GRIN2A: variants seen among roughly 807,000 people sequenced by gnomAD.
GRIN2A encodes the protein glutamate receptor ionotropic, NMDA 2A.
A neutral mutation model predicts 113.4 loss-of-function variants in GRIN2A; 22 were observed. The observed-to-expected ratio is 0.19, with a 90% CI of 0.14 to 0.28. The LOEUF is 0.28. GRIN2A is among the 10% of genes least tolerant of loss of function. The pLI is 1.00. For missense variants in GRIN2A, 1,502 were observed against 1,887.0 expected, an observed-to-expected ratio of 0.80 and a Z score of 3.78; for synonymous variants, 827 against 738.4, an observed-to-expected ratio of 1.12 and a Z score of -1.94.
At chr16:9,841,254 C>G (rs1056202456) in intron 5 of GRIN2A, 150 bp from the exon 6 acceptor site, 1 of 711,520 alleles carries the variant, frequency 1.4e-6, no homozygotes, top group African/African-American at 1.8e-5. Context: ...GAGTACATGA[C>G]AGCAAAAGCA....
rs1021464040 is a variant in GRIN2A at position 9,996,193 on chromosome 16, G to A, written c.415-57642C>T. ...GTTGAATGTCAGAAAGAGAAGATGCGAGCCAACCAAGAAAATGACAGAGTT... is the reference window on the plus strand; with the variant it reads ...GTTGAATGTCAGAAAGAGAAGATGCAAGCCAACCAAGAAAATGACAGAGTT... On this transcript the variant is annotated intron_variant, in intron 2 of 12. Coordinates refer to ENST00000330684, the MANE Select transcript of GRIN2A (RefSeq NM_001134407.3). 3.3e-5 allele frequency among the ~76,000 whole-genome samples: 5 copies of A among 151,960 alleles called. 1 individual carries two copies. Among genetic ancestry groups the A allele is most frequent in the South Asian group, 2.1e-4 (1 of 4,800 alleles).
chr16:10,106,336 G>C (rs1268570782), intron 2 of GRIN2A, among the ~76,000 whole-genome samples: 2 of 151,654 alleles, frequency 1.3e-5, no homozygotes, highest in Non-Finnish European at 2.9e-5. Flanking sequence ...CTGAGAGGGA[G>C]GACTGCTTGA....
At chr16:9,889,874 G>A (rs1366922752) in intron 4 of GRIN2A, among the ~76,000 whole-genome samples, 1 of 152,162 alleles carries the variant, frequency 6.6e-6, no homozygotes, top group Non-Finnish European at 1.5e-5. Context: ...GCTCCAGAAT[G>A]TAGTCTACTT....
intron 12 of GRIN2A, 79 bp downstream of exon 12, chr16:9,768,772 C>T (rs1173446925): frequency 7.6e-6 from 7 of 917,506 alleles, no homozygotes; most frequent in African/African-American, 6.5e-5. Context: ...GAAGTGCAGA[C>T]CCCACTGAGA....
At chr16:10,041,038 C>A (rs369576920) in intron 2 of GRIN2A, among the ~76,000 whole-genome samples, 1 of 152,384 alleles carries the variant, frequency 6.6e-6, no homozygotes, top group African/African-American at 2.4e-5. Flanking sequence ...CACCCCCTCA[C>A]CTCCAATACA....
chr16:9,918,255 C>G (rs1383804206), intron 3 of GRIN2A, among the ~76,000 whole-genome samples: 3 of 152,158 alleles, frequency 2.0e-5, no homozygotes, highest in Non-Finnish European at 4.4e-5. Context: ...ACTGCAGTAT[C>G]TCCCTATCCA....
chr16:9,840,824 A>AG (rs1567337462), intron 6 of GRIN2A, 24 bp from the exon 7 acceptor site: 1 of 1,607,130 alleles, frequency 6.2e-7, no homozygotes, highest in Admixed American at 1.7e-5. Context: ...AAAAAAAAAA[A>AG]AAAAAAAAAG....
At chr16:10,127,388 T>C (rs2048961933) in intron 2 of GRIN2A, among the ~76,000 whole-genome samples, 1 of 152,180 alleles carries the variant, frequency 6.6e-6, no homozygotes, top group Non-Finnish European at 1.5e-5. Flanking sequence ...CCTCTGCATG[T>C]GATATTCCTC....
intron 2 of GRIN2A, among the ~76,000 whole-genome samples, chr16:10,068,456 G>T (rs903574796): frequency 6.6e-6 from 1 of 152,216 alleles, no homozygotes; most frequent in Non-Finnish European, 1.5e-5. Context: ...GCCAGAGCAG[G>T]AGAGAGTAAG....
intron 2 of GRIN2A, among the ~76,000 whole-genome samples, chr16:10,007,568 C>T (rs1165156418): frequency 6.6e-6 from 1 of 152,084 alleles, no homozygotes; most frequent in Non-Finnish European, 1.5e-5. Context: ...ATATTTTCTG[C>T]CATTCTTTGG....
At chr16:10,120,880 T>A (rs2048819468) in intron 2 of GRIN2A, among the ~76,000 whole-genome samples, 1 of 151,790 alleles carries the variant, frequency 6.6e-6, no homozygotes, top group African/African-American at 2.4e-5. Context: ...CCTCCAGTCA[T>A]CCCCACACTG....
At position 9,755,676 on chromosome 16, in the gene GRIN2A, A is replaced by C. The variant is rs1244581834; in HGVS notation, c.*7473T>G. ...TTAGACCATGGAGAGGGGGGAATGC[A>C]GGAAAGGCAGTGTGTGCTCAGGGGC... On this transcript the variant is annotated 3_prime_UTR_variant, in exon 13 of 13. Coordinates refer to ENST00000330684, the MANE Select transcript of GRIN2A (RefSeq NM_001134407.3). The C allele has an allele frequency of 9.9e-6, 2 of 201,598 alleles. No individual in the cohort carries two copies. The highest frequency in any genetic ancestry group is 2.0e-5 in the Non-Finnish European group (2 of 97,690). The allele number at this position is 201,598 out of a possible 1,614,324, so 12.5% of individuals were successfully genotyped here. A position where few individuals can be genotyped will look rare whatever the true frequency, so the allele number is the denominator to read the frequency against.
At chr16:9,962,862 A>G (rs1267655032) in intron 2 of GRIN2A, among the ~76,000 whole-genome samples, 7 of 152,216 alleles carry the variant, frequency 4.6e-5, no homozygotes, top group Admixed American at 2.0e-4. Flanking sequence ...CAAAGACTTG[A>G]AACCAACCCA....
At chr16:10,129,543 C>G (rs887001732) in intron 2 of GRIN2A, among the ~76,000 whole-genome samples, 1 of 152,066 alleles carries the variant, frequency 6.6e-6, no homozygotes, top group Non-Finnish European at 1.5e-5. Context: ...ATGGTGAGAA[C>G]AAGACAACCA....
At chr16:10,130,729 TCTC>T (rs2049044105) in intron 2 of GRIN2A, among the ~76,000 whole-genome samples, 1 of 152,200 alleles carries the variant, frequency 6.6e-6, no homozygotes, top group South Asian at 2.1e-4. Flanking sequence ...CCTTCTCGCT[TCTC>T]CTGCAACTTC....
chr16:10,109,994 G>T (rs1415977443), intron 2 of GRIN2A, among the ~76,000 whole-genome samples: 2 of 152,074 alleles, frequency 1.3e-5, no homozygotes, highest in Non-Finnish European at 2.9e-5. Context: ...CTGGTGTGCT[G>T]CATCCATTAA....
At chr16:10,159,439 G>T (rs906176250) in intron 2 of GRIN2A, among the ~76,000 whole-genome samples, 4 of 152,206 alleles carry the variant, frequency 2.6e-5, no homozygotes, top group African/African-American at 9.6e-5. Context: ...GGAGGCATCT[G>T]CAAAGCTCCA....
chr16:10,177,950 G>C (rs146022769), intron 2 of GRIN2A, among the ~76,000 whole-genome samples: 228 of 152,302 alleles, frequency 1.5e-3, no homozygotes, highest in Non-Finnish European at 2.7e-3. Context: ...TTAGAAGTAA[G>C]AGCCAAAGCC....
chr16:10,029,814 T>C lies in GRIN2A; in HGVS notation c.415-91263A>G, dbSNP rs1171008059. 2.6e-5 allele frequency among the ~76,000 whole-genome samples: 4 copies of C among 151,848 alleles called. No homozygotes were observed. In the East Asian group the frequency reaches 7.8e-4, roughly 30 times the overall value. On this transcript the variant is annotated intron_variant, in intron 2 of 12. Coordinates refer to ENST00000330684, the MANE Select transcript of GRIN2A (RefSeq NM_001134407.3). ...GAGTTCGAGACCAGCCTGGCCAACA[T>C]GGTAAAACCCCGTCTCTACTAAAAA...
Sources: allele counts gnomAD v4.1 joint callset (sites outside exome capture counted in the v4.1 genomes callset), GRCh38; gene constraint gnomAD v4.1.1; transcripts MANE v1.5; gene names NCBI Gene and HGNC (gene_info 2026-07-23, HGNC 2026-07-21).